PCDHA9: variants seen among roughly 807,000 people sequenced by gnomAD.
PCDHA9 encodes the protein protocadherin alpha 9.
A neutral mutation model predicts 62.0 loss-of-function variants in PCDHA9; 62 were observed. The ratio of observed to expected loss-of-function variants is 1.00; its 90% CI spans 0.81 to 1.23. PCDHA9 has a LOEUF of 1.23. PCDHA9 is among the 50% of genes most tolerant of loss of function. PCDHA9 has a pLI of 0.00. For synonymous variants in PCDHA9, 557 were observed against 567.6 expected, an observed-to-expected ratio of 0.98 and a Z score of 0.27; for missense variants, 1,205 against 1,249.8, an observed-to-expected ratio of 0.96 and a Z score of 0.54.
At chr5:140,985,562 C>G (rs1477250763) in intron 3 of PCDHA9, among the ~76,000 whole-genome samples, 1 of 152,116 alleles carries the variant, frequency 6.6e-6, no homozygotes, top group Non-Finnish European at 1.5e-5. Flanking sequence ...CAAAAGGCTT[C>G]TTTCTGGTGC....
intron 1 of PCDHA9, among the ~76,000 whole-genome samples, chr5:140,889,446 TTAATC>T (rs1274795213): frequency 7.2e-5 from 11 of 152,204 alleles, no homozygotes; most frequent in African/African-American, 2.4e-4. Flanking sequence ...ATTTTCCTGT[TTAATC>T]TAAATTTTCA....
Position 140,998,902 on chromosome 5 carries a change from C to T in PCDHA9, c.2543-10725C>T, listed in dbSNP as rs148715237. On this transcript the variant is annotated intron_variant, in intron 3 of 3. Coordinates refer to ENST00000532602, the MANE Select transcript of PCDHA9 (RefSeq NM_031857.2). ...TTAGTTGAATAAATAACAATGCCTC[C>T]GGGAGGTAGCTATTATATCCATTTT... Among the ~76,000 whole-genome samples the T allele has an allele frequency of 4.2e-3, 632 of 152,216 alleles. 5 individuals are homozygous for T. Among genetic ancestry groups the T allele is most frequent in the African/African-American group, 0.014 (572 of 41,540 alleles).
chr5:140,967,472 G>C (rs782183935), intron 1 of PCDHA9: 3 of 1,613,430 alleles, frequency 1.9e-6, no homozygotes, highest in Non-Finnish European at 2.5e-6. Flanking sequence ...GGGCATCCCA[G>C]CCCGCTCGGG....
At chr5:140,962,665 C>T (rs1457197885) in intron 1 of PCDHA9, among the ~76,000 whole-genome samples, 1 of 152,146 alleles carries the variant, frequency 6.6e-6, no homozygotes, top group African/African-American at 2.4e-5. Flanking sequence ...TTTTCATCTT[C>T]CCATCCACTG....
rs1459343581 is a variant in PCDHA9 at position 141,012,230 on chromosome 5, A to G, written c.*2293A>G. 1.3e-5 allele frequency: 2 copies of G among 153,766 alleles called. No individual in the cohort carries two copies. The highest frequency in any genetic ancestry group is 6.5e-5 in the Admixed American group (1 of 15,278). 9.5% of individuals were successfully genotyped at this position (153,766 alleles called of 1,614,324 possible). On this transcript the variant is annotated 3_prime_UTR_variant, in exon 4 of 4. Transcript: ENST00000532602. ...ACATTTGCGAAGTGCTTTCCAATCC[A>G]TGTTAGTTACTAGTTATTACAGCTG...
chr5:140,896,465 C>A (rs967658819), intron 1 of PCDHA9, among the ~76,000 whole-genome samples: 2 of 151,988 alleles, frequency 1.3e-5, no homozygotes, highest in Non-Finnish European at 2.9e-5. Flanking sequence ...TGGGTTCAAG[C>A]GGTTCTCCTG....
At position 140,870,884 on chromosome 5, in the gene PCDHA9, G is replaced by T. The variant is rs376620715; in HGVS notation, c.2394+19995G>T. On this transcript the variant is annotated intron_variant, in intron 1 of 3. Coordinates refer to ENST00000532602, the MANE Select transcript of PCDHA9 (RefSeq NM_031857.2). ...GCGGGCCACGTGGTGGCGAAGGTGC[G>T]CGCAGTGGATGCGGACTCAGGCTAC... is the stretch of plus-strand genomic sequence containing the variant. The T allele has an allele frequency of 9.3e-6, 15 of 1,613,948 alleles. No individual in the cohort carries two copies. In the African/African-American group the frequency reaches 1.7e-4, roughly 19 times the overall value.
intron 1 of PCDHA9, chr5:140,875,825 A>G: frequency 6.2e-7 from 1 of 1,614,174 alleles, no homozygotes; most frequent in East Asian, 2.2e-5. Flanking sequence ...CAGGTTTTCC[A>G]TGTGGACGTG....
intron 1 of PCDHA9, chr5:140,851,704 T>C (rs1454502056): frequency 2.1e-6 from 2 of 950,842 alleles, no homozygotes; most frequent in African/African-American, 1.8e-5. Context: ...TGATCAGCCA[T>C]GTGAAGATTC....
rs782754440 is a variant in PCDHA9, at chr5:140,869,396, A to G, written c.2394+18507A>G. 3.2e-5 allele frequency: 51 copies of G among 1,614,230 alleles called. No homozygotes were observed. The highest frequency in any genetic ancestry group is 1.6e-4 in the Middle Eastern group (1 of 6,062). On this transcript the variant is annotated intron_variant, in intron 1 of 3. Transcript: ENST00000532602. ...ATCGACCGCGAGGAGCTGTGCGGGC[A>G]GAGCGCGGAGTGCAGCATCCACCTG...
At chr5:140,989,296 G>A (rs1587341853) in intron 3 of PCDHA9, among the ~76,000 whole-genome samples, 1 of 152,128 alleles carries the variant, frequency 6.6e-6, no homozygotes, top group South Asian at 2.1e-4. Context: ...TGTCACAAAG[G>A]GCCAAGGAAG....
At chr5:140,876,154 A>T (rs781957040) in intron 1 of PCDHA9, 4 of 1,613,972 alleles carry the variant, frequency 2.5e-6, no homozygotes, top group Non-Finnish European at 2.5e-6. Context: ...GTCTGTCCAG[A>T]TTCAAATAAC....
rs200338376 is a variant in PCDHA9, at chr5:140,927,680, G to C, written c.2395-51269G>C. On this transcript the variant is annotated intron_variant, in intron 1 of 3. Transcript: ENST00000532602. ...GTTCAAGCCTTGGATCCAGATGAAGGGTCCAATGGGGAAGTCCAGTACTCC... is the reference window on the plus strand; with the variant it reads ...GTTCAAGCCTTGGATCCAGATGAAGCGTCCAATGGGGAAGTCCAGTACTCC... The C allele has an allele frequency of 2.2e-5, 36 of 1,614,022 alleles. No individual in the cohort carries two copies. The Admixed American group carries it at 4.5e-4, about 20-fold the overall frequency.
At chr5:140,959,343 C>T (rs1370310453) in intron 1 of PCDHA9, among the ~76,000 whole-genome samples, 1 of 152,052 alleles carries the variant, frequency 6.6e-6, no homozygotes, top group Admixed American at 6.6e-5. Context: ...CTACTGCACT[C>T]CAGCGGGACA....
intron 1 of PCDHA9, among the ~76,000 whole-genome samples, chr5:140,957,326 C>G (rs2095350528): frequency 6.6e-6 from 1 of 152,118 alleles, no homozygotes; most frequent in African/African-American, 2.4e-5. Context: ...GAGCACAGTA[C>G]AGTAAGATAT....
chr5:140,948,709 CT>C (rs144736017), intron 1 of PCDHA9, among the ~76,000 whole-genome samples: 2,043 of 151,408 alleles, frequency 0.013, 38 homozygotes, highest in African/African-American at 0.047. Context: ...GTGTTCTATC[CT>C]CTTTTTTATC....
At chr5:141,004,348 C>A (rs1554259549) in intron 3 of PCDHA9, among the ~76,000 whole-genome samples, 1 of 152,216 alleles carries the variant, frequency 6.6e-6, no homozygotes, top group Non-Finnish European at 1.5e-5. Context: ...CTGTGAGGGA[C>A]TGGAGAGACC....
chr5:140,908,967 G>A (rs1039870615), intron 1 of PCDHA9, among the ~76,000 whole-genome samples: 10 of 152,076 alleles, frequency 6.6e-5, no homozygotes, highest in African/African-American at 2.4e-4. Context: ...ATCTTGATAG[G>A]CCCCACTCCA....
chr5:140,927,582 G>A lies in PCDHA9; in HGVS notation c.2395-51367G>A, dbSNP rs1554204771. On this transcript the variant is annotated intron_variant, in intron 1 of 3. Transcript: ENST00000532602. ...TTGTGGTGGACACAAATGACAACGCGCCTGTATTTGAGCGCTCCGTATACC... is the reference window on the plus strand; with the variant it reads ...TTGTGGTGGACACAAATGACAACGCACCTGTATTTGAGCGCTCCGTATACC... 3.7e-6 allele frequency: 6 copies of A among 1,614,174 alleles called. No individual in the cohort carries two copies. In the East Asian group the frequency reaches 1.1e-4, roughly 30 times the overall value.
Sources: allele counts gnomAD v4.1 joint callset (sites outside exome capture counted in the v4.1 genomes callset), GRCh38; gene constraint gnomAD v4.1.1; transcripts MANE v1.5; gene names NCBI Gene and HGNC (gene_info 2026-07-23, HGNC 2026-07-21).